The following GOLM1 variants were observed in gnomAD, a reference collection of about 807,000 sequenced individuals.
GOLM1 encodes the protein golgi membrane protein 1.
Under a neutral mutation model 50.5 loss-of-function variants are expected in GOLM1, and 31 were observed. That is an observed-to-expected ratio of 0.61 (90% CI 0.46 to 0.83). The LOEUF (loss-of-function observed/expected upper bound fraction) is 0.83. Among genes scored for constraint, GOLM1 ranks in the 40% least tolerant of loss-of-function variants. The pLI is 0.00. For synonymous variants in GOLM1, 178 were observed against 192.8 expected (o/e 0.92, Z 0.64); for missense variants, 491 against 501.3 (o/e 0.98, Z 0.20).
intron 3 of GOLM1, among the ~76,000 whole-genome samples, chr9:86,066,190 G>A (rs192206956): frequency 6.6e-6 from 1 of 152,336 alleles, no homozygotes; most frequent in Non-Finnish European, 1.5e-5. Flanking sequence ...TTTGAGGGAA[G>A]TGACCCCATC....
intron 9 of GOLM1, among the ~76,000 whole-genome samples, chr9:86,028,703 C>G (rs1393331677): frequency 1.3e-5 from 2 of 152,210 alleles, no homozygotes; most frequent in Non-Finnish European, 2.9e-5. Context: ...ACCACTCAAC[C>G]CTAGATGCTG....
chr9:86,088,499 A>T (rs1587741657), intron 1 of GOLM1, among the ~76,000 whole-genome samples: 1 of 129,216 alleles, frequency 7.7e-6, no homozygotes. Flanking sequence ...TTCCTTTACC[A>T]TTATGTAATG....
rs2118582713 is a variant in GOLM1 at position 86,026,264 on chromosome 9, A to G, written c.*1553T>C. 1 of 985,280 alleles carries G rather than the reference A, an allele frequency of 1.0e-6. No homozygotes were observed. Among genetic ancestry groups the G allele is most frequent in the East Asian group, 1.1e-4 (1 of 8,808 alleles). 61.0% of individuals were successfully genotyped at this position (985,280 alleles called of 1,614,324 possible). ...TTCCTATCAACCCCAAGGAGGACTCAAAGTGAGGCTGGAAGAGGACTTAGA... is the reference window on the plus strand; with the variant it reads ...TTCCTATCAACCCCAAGGAGGACTCGAAGTGAGGCTGGAAGAGGACTTAGA... On this transcript the variant is annotated 3_prime_UTR_variant, in exon 10 of 10. Coordinates refer to ENST00000388712, the MANE Select transcript of GOLM1 (RefSeq NM_016548.4).
chr9:86,035,319 G>A, intron 8 of GOLM1, 49 bp downstream of exon 8: 3 of 1,591,698 alleles, frequency 1.9e-6, no homozygotes, highest in Non-Finnish European at 1.7e-6. Flanking sequence ...GGTGGGCTGG[G>A]TGTCTGGTGG....
At chr9:86,074,304 T>TA (rs1834543057) in intron 3 of GOLM1, among the ~76,000 whole-genome samples, 1 of 150,938 alleles carries the variant, frequency 6.6e-6, no homozygotes, top group South Asian at 2.1e-4. Context: ...AGCCCATCCA[T>TA]GTAGCCAAAA....
At chr9:86,036,821 C>T (rs1364119534) in intron 6 of GOLM1, 8 of 336,802 alleles carry the variant, frequency 2.4e-5, no homozygotes, top group South Asian at 1.4e-4. Context: ...AAGACATGAA[C>T]GACACAATAC....
In GOLM1 at chr9:86,091,867, C is replaced by T. The variant is rs567209922; in HGVS notation, c.-22+7544G>A. ...AGATAACCATTTAATATTCTCTTTT[C>T]TTTAAACAGCCAATAAAAAATTTAT... On this transcript the variant is annotated intron_variant, in intron 1 of 9. Transcript: ENST00000388712. Among the ~76,000 whole-genome samples, 17 of 152,334 alleles carry T rather than the reference C, an allele frequency of 1.1e-4. No homozygotes were observed. In the East Asian group the frequency reaches 3.1e-3, roughly 28 times the overall value.
intron 1 of GOLM1, among the ~76,000 whole-genome samples, chr9:86,099,153 T>C (rs1024433788): frequency 6.6e-6 from 1 of 152,048 alleles, no homozygotes; most frequent in Non-Finnish European, 1.5e-5. Flanking sequence ...AGGCCCCTCA[T>C]CGCAGGGCAA....
At chr9:86,053,110 ACACACACCACAC>A (rs1287506188) in intron 3 of GOLM1, among the ~76,000 whole-genome samples, 20 of 119,942 alleles carry the variant, frequency 1.7e-4, no homozygotes, top group African/African-American at 3.7e-4. Flanking sequence ...ACTCCACACC[ACACACACCACAC>A]CACACACCAC....
intron 1 of GOLM1, among the ~76,000 whole-genome samples, chr9:86,089,769 C>A (rs1220610530): frequency 6.6e-6 from 1 of 152,140 alleles, no homozygotes; most frequent in Non-Finnish European, 1.5e-5. Context: ...GTTCATCAAA[C>A]TCATTCTCTG....
At chr9:86,076,421 CAAAAAAAAAAAAAAAAAAAAA>C (rs58193076) in intron 3 of GOLM1, among the ~76,000 whole-genome samples, 22 of 23,334 alleles carry the variant, frequency 9.4e-4, no homozygotes, top group African/African-American at 2.7e-3. Flanking sequence ...AACCCCATCT[CAAAAAAAAAAAAAAAAAAAAA>C]AAAAAAAAAA....
chr9:86,061,543 C>T (rs575081101), intron 3 of GOLM1, among the ~76,000 whole-genome samples: 25 of 152,176 alleles, frequency 1.6e-4, no homozygotes, highest in African/African-American at 3.6e-4. Context: ...GAGGGAAGAC[C>T]GGGATGGGAG....
chr9:86,049,653 A>G (rs1221296677), intron 4 of GOLM1, among the ~76,000 whole-genome samples: 2 of 152,190 alleles, frequency 1.3e-5, no homozygotes, highest in East Asian at 3.9e-4. Context: ...GAGTTCACTC[A>G]TGATTTGGCT....
chr9:86,039,178 A>G (rs965138453), intron 6 of GOLM1, among the ~76,000 whole-genome samples: 4 of 152,256 alleles, frequency 2.6e-5, no homozygotes, highest in Admixed American at 1.3e-4. Flanking sequence ...CAAATGGCCA[A>G]TGAAACATGT....
chr9:86,094,093 C>G (rs576203360), intron 1 of GOLM1, among the ~76,000 whole-genome samples: 1 of 152,318 alleles, frequency 6.6e-6, no homozygotes, highest in East Asian at 1.9e-4. Flanking sequence ...TGGAAATATT[C>G]CACCCTGTCC....
chr9:86,064,835 C>A (rs76687945), intron 3 of GOLM1, among the ~76,000 whole-genome samples: 10 of 152,276 alleles, frequency 6.6e-5, no homozygotes, highest in African/African-American at 2.4e-4. Context: ...TGCAGCAGAT[C>A]GGCTCCTCCA....
intron 9 of GOLM1, among the ~76,000 whole-genome samples, chr9:86,031,917 C>A (rs1832996811): frequency 7.3e-6 from 1 of 136,848 alleles, no homozygotes; most frequent in Non-Finnish European, 1.5e-5. Context: ...CAGAGCGAGA[C>A]TCCATCTCAA....
chr9:86,057,715 A>T (rs533129266), intron 3 of GOLM1, among the ~76,000 whole-genome samples: 48 of 152,286 alleles, frequency 3.2e-4, no homozygotes, highest in African/African-American at 1.1e-3. Context: ...CGTGGAGGGC[A>T]AGAAGGTGCT....
intron 1 of GOLM1, among the ~76,000 whole-genome samples, chr9:86,089,301 C>T (rs1270338862): frequency 1.3e-5 from 2 of 152,128 alleles, no homozygotes; most frequent in Non-Finnish European, 2.9e-5. Context: ...GAATGTTGGC[C>T]TGTCTTGCTA....
Sources: gnomAD v4.1 joint callset for allele counts (sites outside exome capture counted in the v4.1 genomes callset) on GRCh38, gnomAD v4.1.1 for gene constraint, MANE v1.5 for transcripts, NCBI Gene and HGNC (gene_info 2026-07-23, HGNC 2026-07-21) for gene names.